BEND4: variants seen among roughly 807,000 people sequenced by gnomAD.
BEND4 encodes the protein BEN domain-containing protein 4.
In BEND4, 27 loss-of-function variants were observed where a neutral mutation model predicts 54.7. The ratio of observed to expected loss-of-function variants is 0.49; its 90% CI spans 0.36 to 0.68. The LOEUF is 0.68. Among genes scored for constraint, BEND4 ranks in the 30% least tolerant of loss-of-function variants. The pLI, the probability that BEND4 is intolerant of heterozygous loss-of-function variation, is 0.00. For missense variants in BEND4, 702 were observed against 697.2 expected (o/e 1.01, Z -0.08); for synonymous variants, 327 against 299.5 (o/e 1.09, Z -0.95).
chr4:42,126,204 T>C (rs1303902349), intron 3 of BEND4, among the ~76,000 whole-genome samples: 1 of 152,250 alleles, frequency 6.6e-6, no homozygotes, highest in Non-Finnish European at 1.5e-5. Flanking sequence ...CTGAGAACTT[T>C]CAAGTCAAAC....
At chr4:42,145,216 C>T (rs1345028245) in intron 2 of BEND4, among the ~76,000 whole-genome samples, 2 of 152,124 alleles carry the variant, frequency 1.3e-5, no homozygotes, top group African/African-American at 4.8e-5. Context: ...GCTAGAACAG[C>T]TTCAATAAGA....
At position 42,117,460 on chromosome 4, in the gene BEND4, A is replaced by T; in HGVS notation, c.*58T>A. 8.2e-7 allele frequency: 1 copy of T among 1,222,374 alleles called. No homozygotes were observed. The highest frequency in any genetic ancestry group is 1.2e-6 in the Non-Finnish European group (1 of 852,142). 75.7% of individuals were successfully genotyped at this position (1,222,374 alleles called of 1,614,324 possible). A position where few individuals can be genotyped will look rare whatever the true frequency, so the allele number is the denominator to read the frequency against. On this transcript the variant is annotated 3_prime_UTR_variant, in exon 6 of 6. Transcript: ENST00000502486. ...TGGACTCTCAGGTGACAGGAACAGG[A>T]CATTCACAATTGGAACTCTTGAGAG...
At chr4:42,133,939 A>G (rs1317589050) in intron 3 of BEND4, among the ~76,000 whole-genome samples, 1 of 152,250 alleles carries the variant, frequency 6.6e-6, no homozygotes, top group Non-Finnish European at 1.5e-5. Context: ...CATGTAAAGC[A>G]ATGGGCATCC....
chr4:42,134,978 T>G (rs1560580197), intron 3 of BEND4, among the ~76,000 whole-genome samples: 1 of 152,310 alleles, frequency 6.6e-6, no homozygotes, highest in East Asian at 1.9e-4. Flanking sequence ...ACCTTGTGTG[T>G]CACACTGAGG....
chr4:42,143,397 C>T, intron 3 of BEND4, 31 bp downstream of exon 3: 1 of 1,495,328 alleles, frequency 6.7e-7, no homozygotes, highest in Non-Finnish European at 9.1e-7. Context: ...AGAAGGGTTG[C>T]AGTTGTCTTG....
In BEND4 at chr4:42,151,916, C is replaced by A. The variant is rs1721308014; in HGVS notation, c.228G>T (p.Pro76=). ...AGCTCTGCGCCTGGAACTGCTGCGG[C>A]GGCGGCTCGCTGCTGCTGATGGAGA... ...AAVSISSSEP[P]PQQFQAQSSY... The change falls in exon 2 of 6, where the codon CCG becomes CCT. Residue 76 remains proline, a synonymous_variant. Transcript: ENST00000502486. 5 of 1,254,660 alleles carry A rather than the reference C, an allele frequency of 4.0e-6. No individual in the cohort carries two copies. The Middle Eastern group carries it at 8.5e-4, about 214-fold the overall frequency. The allele number at this position is 1,254,660 out of a possible 1,614,324, so 77.7% of individuals were successfully genotyped here.
intron 3 of BEND4, among the ~76,000 whole-genome samples, chr4:42,141,934 TCC>T (rs1720899969): frequency 6.6e-6 from 1 of 151,918 alleles, no homozygotes; most frequent in South Asian, 2.1e-4. Flanking sequence ...AGACCCAGTC[TCC>T]CTCTGTCACC....
At chr4:42,151,564 G>GT (rs1721284657) in intron 2 of BEND4, 93 bp downstream of exon 2, 35 of 1,304,864 alleles carry the variant, frequency 2.7e-5, no homozygotes, top group Non-Finnish European at 3.3e-5. Flanking sequence ...CCCAGCACGG[G>GT]TAAGTGTCGG....
rs1181083239 is a variant in BEND4, at chr4:42,151,856, G to A, written c.288C>T (p.Ala96=). ...YPPGPGRAAA[A]ASSSSPSCTP... ...TGCAGGACGGCGACGACGACGAAGC[G>A]GCGGCGGCGGCCCGGCCGGGCCCGG... Residue 96 remains alanine (A), a synonymous_variant, in exon 2 of 6, where the codon GCC becomes GCT. Coordinates refer to ENST00000502486, the MANE Select transcript of BEND4 (RefSeq NM_207406.4). 6.8e-6 allele frequency: 9 copies of A among 1,315,772 alleles called. No homozygotes were observed. The Admixed American group carries it at 2.1e-4, about 30-fold the overall frequency. The allele number at this position is 1,315,772 out of a possible 1,614,324, so 81.5% of individuals were successfully genotyped here.
chr4:42,139,427 A>C (rs1720808972), intron 3 of BEND4, among the ~76,000 whole-genome samples: 2 of 151,956 alleles, frequency 1.3e-5, no homozygotes. Context: ...GAGTAGTGCC[A>C]GAAATAGTGC....
intron 3 of BEND4, among the ~76,000 whole-genome samples, chr4:42,137,340 C>T (rs1474464965): frequency 6.6e-6 from 1 of 152,134 alleles, no homozygotes; most frequent in Admixed American, 6.5e-5. Context: ...TAGACCCTTG[C>T]CTTACAGCAT....
chr4:42,125,734 A>G, intron 3 of BEND4, 60 bp from the exon 4 acceptor site: 1 of 1,204,438 alleles, frequency 8.3e-7, no homozygotes. Context: ...AAAATAAATA[A>G]ATTTTTTAAA....
chr4:42,129,608 CA>C (rs1168889873), intron 3 of BEND4, among the ~76,000 whole-genome samples: 1 of 152,042 alleles, frequency 6.6e-6, no homozygotes, highest in Non-Finnish European at 1.5e-5. Flanking sequence ...ATCTGATCTT[CA>C]AAAAACCTGA....
chr4:42,112,844 A>C lies in BEND4; in HGVS notation c.*4674T>G, dbSNP rs981418906. The C allele has an allele frequency of 6.6e-6, 1 of 152,146 alleles. No individual in the cohort carries two copies. Among genetic ancestry groups the C allele is most frequent in the African/African-American group, 2.4e-5 (1 of 41,432 alleles). 9.4% of individuals were successfully genotyped at this position (152,146 alleles called of 1,614,324 possible). A position where few individuals can be genotyped will look rare whatever the true frequency, so the allele number is the denominator to read the frequency against. On this transcript the variant is annotated 3_prime_UTR_variant, in exon 6 of 6. Coordinates refer to ENST00000502486, the MANE Select transcript of BEND4 (RefSeq NM_207406.4). ...GTCAATTCTTCACTCTCCTCTAAAA[A>C]AAAAACAAAAACCCAACATAAATAA...
At chr4:42,150,310 T>C (rs936456992) in intron 2 of BEND4, among the ~76,000 whole-genome samples, 5 of 151,540 alleles carry the variant, frequency 3.3e-5, no homozygotes, top group African/African-American at 9.7e-5. Context: ...AAAAAAAACA[T>C]ACCCCACAAA....
intron 3 of BEND4, among the ~76,000 whole-genome samples, chr4:42,138,544 T>G (rs904381868): frequency 6.6e-6 from 1 of 152,196 alleles, no homozygotes; most frequent in Non-Finnish European, 1.5e-5. Flanking sequence ...TGTACCGTAC[T>G]TGAGATTAAG....
rs1278337910 is a variant in BEND4 at position 42,114,197 on chromosome 4, C to T, written c.*3321G>A. 1 of 152,056 alleles carries T rather than the reference C, an allele frequency of 6.6e-6. No homozygotes were observed. The highest frequency in any genetic ancestry group is 1.5e-5 in the Non-Finnish European group (1 of 68,014). The allele number at this position is 152,056 out of a possible 1,614,324, so 9.4% of individuals were successfully genotyped here. ...GCAAAATACTGGTCCCCTCCACAGG[C>T]TCCTGACCTACACTATCCAATACAT... On this transcript the variant is annotated 3_prime_UTR_variant, in exon 6 of 6. Transcript: ENST00000502486.
At chr4:42,130,808 C>A (rs1428559510) in intron 3 of BEND4, among the ~76,000 whole-genome samples, 6 of 152,180 alleles carry the variant, frequency 3.9e-5, no homozygotes, top group African/African-American at 1.4e-4. Context: ...GACATGGAAT[C>A]AACCCAAATG....
chr4:42,117,387 G>T lies in BEND4; in HGVS notation c.*131C>A. ...AACCCTAAAATGGATTTCTATTTGG[G>T]TACTGTGGCAGCTGAGAATGTGTAG... is the stretch of plus-strand genomic sequence containing the variant. On this transcript the variant is annotated 3_prime_UTR_variant, in exon 6 of 6. Transcript: ENST00000502486. 1 of 655,624 alleles carries T rather than the reference G, an allele frequency of 1.5e-6. No individual in the cohort carries two copies. The highest frequency in any genetic ancestry group is 2.6e-6 in the Non-Finnish European group (1 of 381,906). The allele number at this position is 655,624 out of a possible 1,614,324, so 40.6% of individuals were successfully genotyped here.
Sources: allele counts gnomAD v4.1 joint callset (sites outside exome capture counted in the v4.1 genomes callset), GRCh38; gene constraint gnomAD v4.1.1; transcripts MANE v1.5; gene names NCBI Gene and HGNC (gene_info 2026-07-23, HGNC 2026-07-21).